Variants in AMD1 observed in about 807,000 individuals in gnomAD.
The protein encoded by AMD1 is adenosylmethionine decarboxylase 1.
AMD1 carries 11 observed loss-of-function variants against 40.2 expected under a neutral mutation model. That is an observed-to-expected ratio of 0.27 (90% CI 0.17 to 0.45). AMD1 has a LOEUF of 0.45. Among genes scored for constraint, AMD1 ranks in the 20% least tolerant of loss-of-function variants. The pLI, the probability that AMD1 is intolerant of heterozygous loss-of-function variation, is 1.00. For missense variants in AMD1, 257 were observed against 410.2 expected (o/e 0.63, Z 3.23); for synonymous variants, 121 against 130.8 (o/e 0.93, Z 0.51).
At chr6:110,842,310 G>T in the AMD1 span, among the ~76,000 whole-genome samples, 15 of 152,308 alleles carry the variant, frequency 9.8e-5, no homozygotes, top group African/African-American at 3.4e-4. Context: ...CCAGACCAGG[G>T]GGCAGATATG....
At chr6:110,871,688 G>A (rs1254397322), upstream of AMD1, among the ~76,000 whole-genome samples, 1 of 152,194 alleles carries the variant, frequency 6.6e-6, no homozygotes, top group African/African-American at 2.4e-5. Flanking sequence ...TTTGTGGGGA[G>A]GAGGCAGATT....
chr6:110,815,259 C>T, the AMD1 span: 11 of 1,028,562 alleles, frequency 1.1e-5, no homozygotes, highest in Non-Finnish European at 1.4e-5. Context: ...GCGCGCGCGC[C>T]GCCCGCCGCC....
At chr6:110,843,918 A>T in the AMD1 span, among the ~76,000 whole-genome samples, 5 of 152,132 alleles carry the variant, frequency 3.3e-5, no homozygotes, top group Non-Finnish European at 7.3e-5. Context: ...CTTTGGGATT[A>T]TATTGGGCCT....
chr6:110,826,028 C>T, the AMD1 span, among the ~76,000 whole-genome samples: 1 of 151,512 alleles, frequency 6.6e-6, no homozygotes, highest in Admixed American at 6.6e-5. Context: ...ATTAGACAGG[C>T]ATGGTGAATG....
chr6:110,887,796 C>A (rs1000282289), intron 2 of AMD1, among the ~76,000 whole-genome samples: 1 of 152,012 alleles, frequency 6.6e-6, no homozygotes, highest in Non-Finnish European at 1.5e-5. Flanking sequence ...AGCAATTCTC[C>A]GGCCTAAGCC....
chr6:110,814,671 G>A, the AMD1 span: 2 of 522,936 alleles, frequency 3.8e-6, no homozygotes, highest in South Asian at 3.1e-5. Flanking sequence ...CCTGCCCGCT[G>A]CGTTCCCCCA....
intron 2 of AMD1, 42 bp downstream of exon 2, chr6:110,887,633 C>T: frequency 1.5e-6 from 2 of 1,372,944 alleles, no homozygotes; most frequent in South Asian, 1.3e-5. Context: ...AATTTCAGTC[C>T]TAATCATAAT....
chr6:110,887,457 AGGTG>A (rs1252642263), intron 1 of AMD1, 44 bp from the exon 2 acceptor site: 1 of 1,330,550 alleles, frequency 7.5e-7, no homozygotes, highest in Non-Finnish European at 1.0e-6. Flanking sequence ...TTTTATGAGT[AGGTG>A]GGTACTATTG....
At chr6:110,851,194 G>A in the AMD1 span, among the ~76,000 whole-genome samples, 1 of 152,100 alleles carries the variant, frequency 6.6e-6, no homozygotes, top group African/African-American at 2.4e-5. Flanking sequence ...TTGAACTCCT[G>A]ACCTCAGGTG....
chr6:110,833,200 A>G, the AMD1 span, among the ~76,000 whole-genome samples: 71 of 152,346 alleles, frequency 4.7e-4, no homozygotes, highest in East Asian at 0.011. Context: ...CAAGAAATAC[A>G]TAGTGCCTAG....
intron 1 of AMD1, among the ~76,000 whole-genome samples, chr6:110,883,176 C>G (rs978171351): frequency 7.9e-5 from 12 of 152,204 alleles, no homozygotes; most frequent in Non-Finnish European, 1.8e-4. Context: ...ACACTGTCTT[C>G]TCTTATTAAA....
upstream of AMD1, among the ~76,000 whole-genome samples, chr6:110,874,395 G>A (rs1228127279): frequency 6.6e-6 from 1 of 152,086 alleles, no homozygotes; most frequent in Non-Finnish European, 1.5e-5. Flanking sequence ...ACCCAGCGCT[G>A]GCCACCGTCC....
Position 110,892,907 on chromosome 6 carries a change from C to A in AMD1, c.709-3C>A, listed in dbSNP as rs1786112063. ...TCTTAACACTGTGAACTTTTTCTCT[C>A]AGGGAACTTATTGGACTATTCACAT... is the stretch of plus-strand genomic sequence containing the variant. On this transcript the variant is annotated splice_region_variant and splice_polypyrimidine_tract_variant and intron_variant, in intron 7 of 8. Coordinates refer to ENST00000368885, the MANE Select transcript of AMD1 (RefSeq NM_001634.6). 6.2e-7 allele frequency: 1 copy of A among 1,613,430 alleles called. No individual in the cohort carries two copies. Among genetic ancestry groups the A allele is most frequent in the East Asian group, 2.2e-5 (1 of 44,872 alleles).
the AMD1 span, among the ~76,000 whole-genome samples, chr6:110,831,477 T>C: frequency 6.6e-6 from 1 of 152,048 alleles, no homozygotes; most frequent in Non-Finnish European, 1.5e-5. Flanking sequence ...TTTTTGTTTA[T>C]AGACACAGGG....
the AMD1 span, among the ~76,000 whole-genome samples, chr6:110,822,969 A>G: frequency 6.6e-6 from 1 of 152,162 alleles, no homozygotes; most frequent in African/African-American, 2.4e-5. Context: ...TACAAAAGTT[A>G]GCTGGGCGTA....
Position 110,890,365 on chromosome 6 carries a change from A to T in AMD1, c.427+9A>T. ...TAATGCAATTTTCCCAAGTAAGTTTAAATAAAATATAAACCTGTTGTCTTC... is the reference window on the plus strand; with the variant it reads ...TAATGCAATTTTCCCAAGTAAGTTTTAATAAAATATAAACCTGTTGTCTTC... On this transcript the variant is annotated intron_variant, in intron 4 of 8. Transcript: ENST00000368885. 1 of 1,555,262 alleles carries T rather than the reference A, an allele frequency of 6.4e-7. No homozygotes were observed. Among genetic ancestry groups the T allele is most frequent in the Non-Finnish European group, 8.7e-7 (1 of 1,144,210 alleles).
At chr6:110,862,952 T>C in the AMD1 span, among the ~76,000 whole-genome samples, 1 of 152,050 alleles carries the variant, frequency 6.6e-6, no homozygotes, top group Non-Finnish European at 1.5e-5. Context: ...TTGTTTTTGT[T>C]TGTTTGTTTT....
At chr6:110,857,770 GTATA>G in the AMD1 span, among the ~76,000 whole-genome samples, 1 of 142,136 alleles carries the variant, frequency 7.0e-6, no homozygotes, top group Admixed American at 7.1e-5. Flanking sequence ...TAGATGGTGT[GTATA>G]TATATATATA....
At chr6:110,879,695 T>G (rs1265493528) in intron 1 of AMD1, among the ~76,000 whole-genome samples, 2 of 152,176 alleles carry the variant, frequency 1.3e-5, no homozygotes, top group African/African-American at 4.8e-5. Flanking sequence ...TGAGAGCCTC[T>G]AAAACAGACC....
Sources: gnomAD v4.1 joint callset for allele counts (sites outside exome capture counted in the v4.1 genomes callset) on GRCh38, gnomAD v4.1.1 for gene constraint, MANE v1.5 for transcripts, NCBI Gene and HGNC (gene_info 2026-07-23, HGNC 2026-07-21) for gene names.